The following RABGAP1 variants were observed in gnomAD, a reference collection of about 807,000 sequenced individuals.
The protein encoded by RABGAP1 is RAB GTPase activating protein 1.
In RABGAP1, 23 loss-of-function variants were observed where a neutral mutation model predicts 137.6. The observed-to-expected ratio is 0.17, with a 90% CI of 0.12 to 0.24. The LOEUF (loss-of-function observed/expected upper bound fraction) is 0.24, where lower values mean the gene tolerates loss of function less well. Ranked by LOEUF, RABGAP1 falls within the 10% of genes least tolerant of loss-of-function variation. The pLI is 1.00. For missense variants in RABGAP1, 906 were observed against 1,275.8 expected (o/e 0.71, Z 4.42); for synonymous variants, 451 against 450.7 (o/e 1.00, Z -0.01).
chr9:123,084,310 G>A (rs969625711), intron 19 of RABGAP1, among the ~76,000 whole-genome samples: 2 of 152,328 alleles, frequency 1.3e-5, no homozygotes, highest in South Asian at 4.1e-4. Flanking sequence ...AGATAGACTT[G>A]TGTCAGATTT....
intron 14 of RABGAP1, among the ~76,000 whole-genome samples, chr9:123,067,107 A>G (rs1348860955): frequency 6.6e-6 from 1 of 152,244 alleles, no homozygotes; most frequent in Non-Finnish European, 1.5e-5. Context: ...ACGGCTAGTT[A>G]GAATCAAGAG....
intron 21 of RABGAP1, 87 bp from the exon 22 acceptor site, chr9:123,097,653 TC>T: frequency 7.2e-6 from 8 of 1,112,718 alleles, no homozygotes; most frequent in Non-Finnish European, 1.0e-5. Flanking sequence ...AGTTTCCCCA[TC>T]ATCTTAAAAT....
intron 13 of RABGAP1, among the ~76,000 whole-genome samples, chr9:123,037,275 A>C (rs1164416633): frequency 6.6e-6 from 1 of 152,194 alleles, no homozygotes; most frequent in African/African-American, 2.4e-5. Flanking sequence ...CATCAACTTG[A>C]TTTTAACCTC....
At chr9:122,959,734 C>T (rs1396062222) in intron 2 of RABGAP1, among the ~76,000 whole-genome samples, 1 of 152,162 alleles carries the variant, frequency 6.6e-6, no homozygotes, top group Non-Finnish European at 1.5e-5. Context: ...CCATCAGCTC[C>T]CATTCTGGGC....
chr9:123,089,301 CTT>C (rs905475912), intron 19 of RABGAP1, among the ~76,000 whole-genome samples: 2 of 152,164 alleles, frequency 1.3e-5, no homozygotes, highest in Non-Finnish European at 2.9e-5. Context: ...TATTGTGTGA[CTT>C]TGGTCAAGTT....
chr9:123,049,524 G>A (rs2033365888), intron 13 of RABGAP1, among the ~76,000 whole-genome samples: 1 of 152,160 alleles, frequency 6.6e-6, no homozygotes, highest in South Asian at 2.1e-4. Context: ...GCTCTACAGT[G>A]TTTTCATTAG....
chr9:122,997,774 C>T (rs1213379317), intron 9 of RABGAP1, among the ~76,000 whole-genome samples: 2 of 152,196 alleles, frequency 1.3e-5, no homozygotes. Context: ...TCTTCAAATA[C>T]TCTATGCATA....
intron 13 of RABGAP1, among the ~76,000 whole-genome samples, chr9:123,035,985 C>A (rs2032636948): frequency 6.6e-6 from 1 of 152,170 alleles, no homozygotes; most frequent in African/African-American, 2.4e-5. Context: ...TTTAAAAAGT[C>A]ATCACTTTCT....
chr9:123,001,928 T>C (rs1837341463), intron 10 of RABGAP1, among the ~76,000 whole-genome samples: 1 of 152,190 alleles, frequency 6.6e-6, no homozygotes, highest in Admixed American at 6.5e-5. Context: ...ATTGATTATT[T>C]AGATGGAGGG....
intron 13 of RABGAP1, among the ~76,000 whole-genome samples, chr9:123,051,600 T>C (rs2033475783): frequency 6.6e-6 from 1 of 152,098 alleles, no homozygotes; most frequent in Admixed American, 6.5e-5. Flanking sequence ...TACATGTTAC[T>C]AGGGCCTTTA....
intron 13 of RABGAP1, 56 bp downstream of exon 13, chr9:123,020,515 A>T (rs2031558274): frequency 7.2e-7 from 1 of 1,388,884 alleles, no homozygotes; most frequent in Admixed American, 2.4e-5. Context: ...TTGTGATGAA[A>T]AGATCATTAT....
rs192601551 is a variant in RABGAP1 at position 123,085,264 on chromosome 9, C to G, written c.2425-4494C>G. Among the ~76,000 whole-genome samples, 413 of 152,232 alleles carry G rather than the reference C, an allele frequency of 2.7e-3. 1 individual carries two copies. The highest frequency in any genetic ancestry group is 4.4e-3 in the Admixed American group (68 of 15,300). On this transcript the variant is annotated intron_variant, in intron 19 of 25. Transcript: ENST00000373647. ...GGGACAATGGACAGGCCTCAGGGGG[C>G]CCATGAGCCCTCTGAAATGGTATGT...
chr9:123,033,241 C>T (rs1179147540), intron 13 of RABGAP1, among the ~76,000 whole-genome samples: 1 of 152,138 alleles, frequency 6.6e-6, no homozygotes, highest in African/African-American at 2.4e-5. Flanking sequence ...AACATACTTC[C>T]TTTCTTTAAT....
At chr9:123,093,310 G>A (rs774372967) in intron 21 of RABGAP1, among the ~76,000 whole-genome samples, 4 of 152,080 alleles carry the variant, frequency 2.6e-5, no homozygotes, top group East Asian at 1.9e-4. Context: ...TTAATTCCTC[G>A]GTGACCCCAA....
chr9:123,076,939 C>A, intron 19 of RABGAP1, 177 bp downstream of exon 19: 1 of 337,608 alleles, frequency 3.0e-6, no homozygotes, highest in Non-Finnish European at 4.4e-6. Flanking sequence ...TATTATATAA[C>A]TCTTAACCTT....
chr9:122,962,277 G>C (rs1381173862), intron 2 of RABGAP1, among the ~76,000 whole-genome samples: 1 of 151,844 alleles, frequency 6.6e-6, no homozygotes, highest in African/African-American at 2.4e-5. Flanking sequence ...GGGAGAGTGA[G>C]GTGGGTGGTT....
intron 13 of RABGAP1, among the ~76,000 whole-genome samples, chr9:123,046,516 T>A (rs1275908906): frequency 1.3e-5 from 2 of 152,152 alleles, no homozygotes; most frequent in Non-Finnish European, 2.9e-5. Flanking sequence ...ACTTACTAGC[T>A]GTGAGACCTG....
At chr9:122,982,962 G>C (rs1415199527) in intron 2 of RABGAP1, among the ~76,000 whole-genome samples, 1 of 151,946 alleles carries the variant, frequency 6.6e-6, no homozygotes, top group Non-Finnish European at 1.5e-5. Flanking sequence ...CTCAACTTCT[G>C]GGCTCCAGCG....
At chr9:123,068,348 CAAAAAAAA>C (rs998962006) in intron 14 of RABGAP1, among the ~76,000 whole-genome samples, 4 of 66,534 alleles carry the variant, frequency 6.0e-5, no homozygotes, top group Admixed American at 3.7e-4. Flanking sequence ...GACTCCATCT[CAAAAAAAA>C]AAAAAAAAAA....
Sources: allele counts gnomAD v4.1 joint callset (sites outside exome capture counted in the v4.1 genomes callset), GRCh38; gene constraint gnomAD v4.1.1; transcripts MANE v1.5; gene names NCBI Gene and HGNC (gene_info 2026-07-23, HGNC 2026-07-21).